The following PADI4 variants were observed in gnomAD, a reference collection of about 807,000 sequenced individuals.
The protein encoded by PADI4 is protein-arginine deiminase type-4.
A neutral mutation model predicts 75.0 loss-of-function variants in PADI4; 62 were observed. That is an observed-to-expected ratio of 0.83 (90% CI 0.67 to 1.02). The LOEUF is 1.02. PADI4 is among the 50% of genes least tolerant of loss of function. PADI4 has a pLI of 0.00. For synonymous variants in PADI4, 361 were observed against 348.1 expected, an observed-to-expected ratio of 1.04 and a Z score of -0.41; for missense variants, 845 against 850.5, an observed-to-expected ratio of 0.99 and a Z score of 0.08.
chr1:17,312,119 G>A (rs1035917303), intron 1 of PADI4, among the ~76,000 whole-genome samples: 2 of 152,132 alleles, frequency 1.3e-5, no homozygotes, highest in Non-Finnish European at 2.9e-5. Context: ...TCTGTAGTCC[G>A]TGCTTTTTCC....
chr1:17,311,068 G>A (rs2073816742), intron 1 of PADI4, among the ~76,000 whole-genome samples: 1 of 150,740 alleles, frequency 6.6e-6, no homozygotes, highest in South Asian at 2.1e-4. Flanking sequence ...CTGAACTCCA[G>A]CCTGGGCAAC....
chr1:17,344,454 A>G (rs555747688), intron 8 of PADI4, among the ~76,000 whole-genome samples: 1 of 152,380 alleles, frequency 6.6e-6, no homozygotes, highest in Non-Finnish European at 1.5e-5. Context: ...ATTAATGTTA[A>G]GCCACAAGGC....
intron 1 of PADI4, among the ~76,000 whole-genome samples, chr1:17,316,194 G>A (rs1193086004): frequency 2.6e-5 from 4 of 151,852 alleles, no homozygotes; most frequent in Admixed American, 2.0e-4. Context: ...AGAAGTTTGA[G>A]ACCAGCCTGG....
chr1:17,349,940 G>A (rs112605614), intron 10 of PADI4, among the ~76,000 whole-genome samples: 6 of 121,954 alleles, frequency 4.9e-5, no homozygotes, highest in African/African-American at 1.3e-4. Context: ...TGCATATGCC[G>A]TTCCCTCTGC....
chr1:17,351,393 C>T (rs2074617283), intron 10 of PADI4, among the ~76,000 whole-genome samples: 1 of 149,880 alleles, frequency 6.7e-6, no homozygotes, highest in South Asian at 2.1e-4. Context: ...GAGTTCGAGA[C>T]CAGCCTAGGC....
chr1:17,325,707 G>A (rs1396164049), intron 1 of PADI4, among the ~76,000 whole-genome samples: 1 of 104,010 alleles, frequency 9.6e-6, no homozygotes, highest in Non-Finnish European at 1.9e-5. Flanking sequence ...ATCCTACCAC[G>A]TTCCTGATTT....
intron 1 of PADI4, among the ~76,000 whole-genome samples, chr1:17,322,643 T>C (rs990115987): frequency 6.6e-6 from 1 of 152,180 alleles, no homozygotes; most frequent in East Asian, 1.9e-4. Flanking sequence ...AGTTATTTTA[T>C]TTATGAACCA....
At chr1:17,323,570 C>A (rs1478386258) in intron 1 of PADI4, among the ~76,000 whole-genome samples, 1 of 152,194 alleles carries the variant, frequency 6.6e-6, no homozygotes, top group East Asian at 1.9e-4. Context: ...TACTGTGATT[C>A]ATGCCTGTAA....
chr1:17,349,741 C>A (rs112930800), intron 10 of PADI4, among the ~76,000 whole-genome samples: 33,433 of 109,802 alleles, frequency 0.3, 9,208 homozygotes, highest in Non-Finnish European at 0.34. Flanking sequence ...AAAACAACAA[C>A]AAAAAACACC....
At chr1:17,354,472 C>A (rs1364584246) in intron 10 of PADI4, 61 bp from the exon 11 acceptor site, 1 of 1,514,824 alleles carries the variant, frequency 6.6e-7, no homozygotes. Flanking sequence ...ACTTGGACCC[C>A]CCGACCCTTC....
intron 11 of PADI4, among the ~76,000 whole-genome samples, chr1:17,355,720 C>A (rs16825849): frequency 5.3e-5 from 8 of 152,194 alleles, no homozygotes; most frequent in African/African-American, 1.9e-4. Context: ...AGCATCTCAT[C>A]TAACTCAAGA....
intron 1 of PADI4, among the ~76,000 whole-genome samples, chr1:17,314,941 A>G (rs2501808): frequency 0.96 from 145,444 of 152,290 alleles, 69,501 homozygotes; most frequent in Middle Eastern, 0.99. Context: ...CGTATGTTCC[A>G]TTCACACTGA....
chr1:17,334,023 A>G lies in PADI4; in HGVS notation c.340+14A>G, dbSNP rs201444747. The G allele has an allele frequency of 2.4e-3, 3,810 of 1,561,024 alleles. 9 individuals carry two copies. Among genetic ancestry groups the G allele is most frequent in the Non-Finnish European group, 2.8e-3 (3,132 of 1,131,294 alleles). On this transcript the variant is annotated intron_variant, in intron 3 of 15. Coordinates refer to ENST00000375448, the MANE Select transcript of PADI4 (RefSeq NM_012387.3). The stretch of plus-strand genomic sequence containing the variant: ...TCACCGGGGTGGGTAAGTGACAACC[A>G]GGATCCTAGAGTGCCGTCTCATCCC...
At chr1:17,312,284 AC>A (rs1375203247) in intron 1 of PADI4, among the ~76,000 whole-genome samples, 5 of 152,116 alleles carry the variant, frequency 3.3e-5, no homozygotes, top group African/African-American at 1.2e-4. Flanking sequence ...ACATGGTGAA[AC>A]CCCATCTCTA....
At chr1:17,333,697 C>A (rs926431290) in intron 2 of PADI4, among the ~76,000 whole-genome samples, 3 of 151,900 alleles carry the variant, frequency 2.0e-5, no homozygotes, top group Non-Finnish European at 4.4e-5. Context: ...CCTTCACAAA[C>A]GACCCTGCCA....
intron 13 of PADI4, 78 bp from the exon 14 acceptor site, chr1:17,358,760 C>A (rs571089244): frequency 5.0e-5 from 42 of 838,540 alleles, no homozygotes; most frequent in Middle Eastern, 4.4e-4. Flanking sequence ...AACACTGAGT[C>A]CCCCCCCGGC....
intron 5 of PADI4, 102 bp from the exon 6 acceptor site, chr1:17,339,586 G>C (rs1394333605): frequency 1.7e-6 from 2 of 1,201,778 alleles, no homozygotes; most frequent in African/African-American, 3.0e-5. Flanking sequence ...AGGTCTCAGG[G>C]GAGCGGTGGG....
rs34160027 is a variant in PADI4, at chr1:17,317,797, G to A, written c.92+9483G>A. On this transcript the variant is annotated intron_variant, in intron 1 of 15. Coordinates refer to ENST00000375448, the MANE Select transcript of PADI4 (RefSeq NM_012387.3). ...GCACTTTGGGAGGCCAAGGCAGGAG[G>A]ATCACTTGAGGCCAGGAGTTCGAGA... 5.9e-3 allele frequency among the ~76,000 whole-genome samples: 902 copies of A among 151,896 alleles called. 12 individuals are homozygous for A. The highest frequency in any genetic ancestry group is 0.021 in the African/African-American group (855 of 41,462).
chr1:17,363,400 G>T (rs936979018), intron 15 of PADI4, 122 bp from the exon 16 acceptor site: 5 of 672,818 alleles, frequency 7.4e-6, no homozygotes, highest in East Asian at 2.7e-5. Flanking sequence ...TGGGACTACA[G>T]GTCTGAGCCA....
Sources: allele counts gnomAD v4.1 joint callset (sites outside exome capture counted in the v4.1 genomes callset), GRCh38; gene constraint gnomAD v4.1.1; transcripts MANE v1.5; gene names NCBI Gene and HGNC (gene_info 2026-07-23, HGNC 2026-07-21).